The following TF variants were observed in gnomAD, a reference collection of about 807,000 sequenced individuals.
TF encodes the protein transferrin.
Under a neutral mutation model 82.4 loss-of-function variants are expected in TF, and 55 were observed. That is an observed-to-expected ratio of 0.67 (90% CI 0.54 to 0.84). The LOEUF (loss-of-function observed/expected upper bound fraction) is 0.84, where lower values mean the gene tolerates loss of function less well. TF is among the 40% of genes least tolerant of loss of function. The pLI is 0.00. For missense variants in TF, 737 were observed against 868.4 expected, an observed-to-expected ratio of 0.85 and a Z score of 1.90; for synonymous variants, 332 against 332.6, an observed-to-expected ratio of 1.00 and a Z score of 0.02.
chr3:133,722,125 C>T, the TF span, among the ~76,000 whole-genome samples: 1 of 151,992 alleles, frequency 6.6e-6, no homozygotes, highest in Non-Finnish European at 1.5e-5. Flanking sequence ...CAAGCAATCT[C>T]CCTGCCTGGG....
chr3:133,692,607 G>A, the TF span, among the ~76,000 whole-genome samples: 2 of 152,118 alleles, frequency 1.3e-5, no homozygotes, highest in African/African-American at 4.8e-5. Flanking sequence ...AAAAGGGATG[G>A]TGTTCTCTCT....
At chr3:133,742,887 G>A (rs1933418521), upstream of TF, among the ~76,000 whole-genome samples, 1 of 152,176 alleles carries the variant, frequency 6.6e-6, no homozygotes. Context: ...TTCTTTAAGG[G>A]CCAACTCGTG....
Position 133,755,468 on chromosome 3 carries a change from A to G in TF, c.608A>G (p.Gln203Arg). Residue 203 changes from glutamine to arginine, a missense_variant, in exon 5 of 17, where the codon CAA becomes CGA. Physicochemically the swap from Gln to Arg is conservative, Grantham distance 43. Coordinates refer to ENST00000402696, the MANE Select transcript of TF (RefSeq NM_001063.4). ...CPGCGCSTLN[Q>R]YFGYSGAFKC... The stretch of plus-strand genomic sequence containing the variant: ...GGGTGTGGCTGCTCCACCCTTAACC[A>G]ATACTTCGGCTACTCGGGAGCCTTC... 3.1e-6 allele frequency: 5 copies of G among 1,614,058 alleles called. No homozygotes were observed. The highest frequency in any genetic ancestry group is 4.2e-6 in the Non-Finnish European group (5 of 1,179,970).
chr3:133,699,715 A>C, the TF span: 4 of 418,000 alleles, frequency 9.6e-6, no homozygotes, highest in Non-Finnish European at 9.5e-6. Flanking sequence ...TCATTCTGGA[A>C]GTCCTGGTAT....
chr3:133,768,046 G>A lies in TF; in HGVS notation c.1504G>A (p.Gly502Ser). Residue 502 changes from glycine to serine, a missense_variant, in exon 13 of 17, where the codon GGT (glycine) becomes AGT (serine). By Grantham distance (56) the Gly-to-Ser change is moderately conservative. Transcript: ENST00000402696. Reference sequence around the variant, plus strand: ...CTGCACAGATGAATTTTTCAGTGAAGGTTGTGCCCCTGGGTCTAAGAAAGA... The same window carrying A: ...CTGCACAGATGAATTTTTCAGTGAAAGTTGTGCCCCTGGGTCTAAGAAAGA... ...HCRFDEFFSE[G>S]CAPGSKKDSS... 6.2e-7 allele frequency: 1 copy of A among 1,614,168 alleles called. No homozygotes were observed. Among genetic ancestry groups the A allele is most frequent in the Non-Finnish European group, 8.5e-7 (1 of 1,180,014 alleles).
chr3:133,732,818 C>G, the TF span, among the ~76,000 whole-genome samples: 3 of 127,442 alleles, frequency 2.4e-5, no homozygotes, highest in African/African-American at 9.6e-5. Context: ...CCACCAATTC[C>G]GGACACATTA....
intron 10 of TF, among the ~76,000 whole-genome samples, chr3:133,764,578 C>A (rs1162705469): frequency 6.6e-6 from 1 of 152,194 alleles, no homozygotes; most frequent in Non-Finnish European, 1.5e-5. Flanking sequence ...CCAAAACTCA[C>A]ACTTCTCTCA....
chr3:133,789,879 GTT>G lies in TF; in HGVS notation c.*11287_*11288del, dbSNP rs56267966. On this transcript the variant is annotated 3_prime_UTR_variant, in exon 17 of 17. Transcript: ENST00000402696. ...GCCAAAACAAAACGATCTCGTTTGC[GTT>G]TTTTTTTTTTTTTTTTTTTTTTTTT... The G allele has an allele frequency of 9.0e-3, 802 of 88,800 alleles. 1 individual carries two copies. Among genetic ancestry groups the G allele is most frequent in the African/African-American group, 0.017 (311 of 18,208 alleles). The allele number at this position is 88,800 out of a possible 1,614,324, so 5.5% of individuals were successfully genotyped here. A position where few individuals can be genotyped will look rare whatever the true frequency, so the allele number is the denominator to read the frequency against.
Position 133,756,249 on chromosome 3 carries a change from C to T in TF, c.636-33C>T, listed in dbSNP as rs41295758. On this transcript the variant is annotated intron_variant, in intron 5 of 16. Transcript: ENST00000402696. ...AGGTGCAGGAGAAGGGCCTGCCCTG[C>T]AGGAGCCCTGCTGATGTGTTTCTTT... 926 of 1,611,362 alleles carry T rather than the reference C, an allele frequency of 5.7e-4. 4 individuals carry two copies. Among genetic ancestry groups the T allele is most frequent in the Admixed American group, 1.4e-3 (84 of 59,852 alleles).
rs745934533 is a variant in TF at position 133,754,613 on chromosome 3, C to T, written c.444C>T (p.Asn148=). 6.2e-6 allele frequency: 10 copies of T among 1,614,090 alleles called. No individual in the cohort carries two copies. In the Admixed American group the frequency reaches 6.7e-5, roughly 11 times the overall value. ...GTCTAGGCAGGTCCGCTGGGTGGAA[C>T]ATCCCCATAGGCTTACTTTACTGTG... is the stretch of plus-strand genomic sequence containing the variant. The part of the protein sequence containing the change: ...HTGLGRSAGW[N]IPIGLLYCDL... The change falls in exon 4 of 17, where the codon AAC becomes AAT. Residue 148 remains asparagine (N), a synonymous_variant. Transcript: ENST00000402696.
the TF span, among the ~76,000 whole-genome samples, chr3:133,710,445 T>A: frequency 1.3e-5 from 2 of 152,278 alleles, no homozygotes; most frequent in East Asian, 3.9e-4. Context: ...CTGCTCCACA[T>A]GCCACATTTC....
chr3:133,755,554 A>T, intron 5 of TF, 59 bp downstream of exon 5: 1 of 1,609,702 alleles, frequency 6.2e-7, no homozygotes. Flanking sequence ...TCAGGGTGAG[A>T]GTTCTTTGCT....
chr3:133,762,016 G>A, intron 9 of TF: 1 of 164,592 alleles, frequency 6.1e-6, no homozygotes, highest in Non-Finnish European at 1.4e-5. Flanking sequence ...GGATGCTACA[G>A]AAATGAAGCA....
upstream of TF, among the ~76,000 whole-genome samples, chr3:133,745,145 T>C (rs530625332): frequency 8.5e-5 from 13 of 152,288 alleles, no homozygotes; most frequent in African/African-American, 2.4e-4. Flanking sequence ...AAACTAGAAT[T>C]AGGAGACAAT....
upstream of TF, among the ~76,000 whole-genome samples, chr3:133,745,193 A>G (rs988033648): frequency 3.3e-5 from 5 of 152,236 alleles, no homozygotes; most frequent in African/African-American, 1.2e-4. Context: ...AAATCAAATG[A>G]CTGACCTGAC....
At chr3:133,738,400 CACAAG>C in the TF span, among the ~76,000 whole-genome samples, 1 of 152,134 alleles carries the variant, frequency 6.6e-6, no homozygotes, top group African/African-American at 2.4e-5. Flanking sequence ...TGAAAACCGG[CACAAG>C]ACAAGGATGC....
At chr3:133,770,432 T>C (rs1372409371) in intron 13 of TF, 76 bp from the exon 14 acceptor site, 2 of 1,362,808 alleles carry the variant, frequency 1.5e-6, no homozygotes, top group Admixed American at 1.7e-5. Context: ...CCTGAATCTA[T>C]AAGGTAGCCC....
At chr3:133,759,856 T>G (rs1459714792) in intron 9 of TF, among the ~76,000 whole-genome samples, 1 of 152,132 alleles carries the variant, frequency 6.6e-6, no homozygotes, top group Non-Finnish European at 1.5e-5. Context: ...TATTCCATGT[T>G]GGCTTACAGA....
the TF span, among the ~76,000 whole-genome samples, chr3:133,682,669 A>T: frequency 6.6e-6 from 1 of 152,210 alleles, no homozygotes; most frequent in Non-Finnish European, 1.5e-5. Context: ...AAAAAGAGTA[A>T]AAAGAAACGA....
Sources: allele counts gnomAD v4.1 joint callset (sites outside exome capture counted in the v4.1 genomes callset), GRCh38; gene constraint gnomAD v4.1.1; transcripts MANE v1.5; gene names NCBI Gene and HGNC (gene_info 2026-07-23, HGNC 2026-07-21).